Variants in NRG1 observed in about 807,000 individuals in gnomAD.
NRG1 encodes neuregulin 1.
NRG1 carries 18 observed loss-of-function variants against 63.8 expected under a neutral mutation model. The observed-to-expected ratio is 0.28, with a 90% CI of 0.19 to 0.42. NRG1 has a LOEUF of 0.42. NRG1 is among the 10% of genes least tolerant of loss of function. The pLI, the probability that NRG1 is intolerant of heterozygous loss-of-function variation, is 1.00. For synonymous variants in NRG1, 302 were observed against 301.3 expected (o/e 1.00, Z -0.02); for missense variants, 762 against 814.7 (o/e 0.94, Z 0.79).
intron 1 of NRG1, among the ~76,000 whole-genome samples, chr8:31,974,919 G>A (rs148857479): frequency 2.6e-4 from 39 of 152,256 alleles, no homozygotes; most frequent in African/African-American, 7.7e-4. Flanking sequence ...GAACACCTCA[G>A]CTCAGTCAGT....
intron 1 of NRG1, among the ~76,000 whole-genome samples, chr8:31,799,267 T>G (rs531498464): frequency 6.6e-6 from 1 of 152,234 alleles, no homozygotes. Context: ...GGTTACTACA[T>G]AAGTTGAAGA....
intron 1 of NRG1, among the ~76,000 whole-genome samples, chr8:31,747,751 CTGGCTGTTT>C (rs1816038602): frequency 6.6e-6 from 1 of 151,874 alleles, no homozygotes; most frequent in African/African-American, 2.4e-5. Flanking sequence ...CCTGGAATAC[CTGGCTGTTT>C]TGTTTAAGAT....
intron 5 of NRG1, among the ~76,000 whole-genome samples, chr8:32,639,037 GA>G (rs372183260): frequency 2.6e-5 from 4 of 151,518 alleles, no homozygotes; most frequent in African/African-American, 7.3e-5. Context: ...GCAACAAGGA[GA>G]AAAAAAATGT....
intron 1 of NRG1, among the ~76,000 whole-genome samples, chr8:32,384,318 A>T (rs1019419782): frequency 6.6e-5 from 10 of 152,250 alleles, no homozygotes; most frequent in Non-Finnish European, 1.5e-4. Flanking sequence ...ACGACAAATA[A>T]TAATACATAT....
At chr8:31,700,727 A>G (rs372166828) in intron 1 of NRG1, among the ~76,000 whole-genome samples, 1 of 152,264 alleles carries the variant, frequency 6.6e-6, no homozygotes, top group South Asian at 2.1e-4. Context: ...ATGAAGCACC[A>G]TGGTTTCCTA....
chr8:32,735,386 C>T (rs1824752323), intron 6 of NRG1, among the ~76,000 whole-genome samples: 1 of 152,016 alleles, frequency 6.6e-6, no homozygotes, highest in Non-Finnish European at 1.5e-5. Flanking sequence ...ATTTTCTACC[C>T]CATAAATGTA....
intron 1 of NRG1, among the ~76,000 whole-genome samples, chr8:31,970,927 C>A (rs1807171083): frequency 6.6e-6 from 1 of 151,974 alleles, no homozygotes; most frequent in African/African-American, 2.4e-5. Context: ...GCCTGTAGTC[C>A]CAGCTACTCG....
intron 1 of NRG1, among the ~76,000 whole-genome samples, chr8:32,346,930 T>C (rs1225932489): frequency 1.3e-5 from 2 of 151,840 alleles, no homozygotes; most frequent in Non-Finnish European, 2.9e-5. Flanking sequence ...TCCAGGTTCA[T>C]GCCATTCTCC....
At chr8:32,163,965 G>A (rs1839132374) in intron 1 of NRG1, among the ~76,000 whole-genome samples, 1 of 152,152 alleles carries the variant, frequency 6.6e-6, no homozygotes, top group Non-Finnish European at 1.5e-5. Context: ...TGCCTCTGTG[G>A]CTTCAAATCC....
intron 1 of NRG1, among the ~76,000 whole-genome samples, chr8:32,109,917 G>A (rs1831779642): frequency 6.6e-6 from 1 of 152,084 alleles, no homozygotes; most frequent in Non-Finnish European, 1.5e-5. Flanking sequence ...ATATGGACAT[G>A]GCCAAATCTC....
chr8:32,175,010 C>A (rs933228562), intron 1 of NRG1, among the ~76,000 whole-genome samples: 1 of 152,166 alleles, frequency 6.6e-6, no homozygotes, highest in Admixed American at 6.5e-5. Flanking sequence ...ATACCAAAGC[C>A]TGGCAGAGAC....
chr8:32,569,451 C>G (rs1838095927), intron 1 of NRG1, among the ~76,000 whole-genome samples: 1 of 152,108 alleles, frequency 6.6e-6, no homozygotes, highest in South Asian at 2.1e-4. Context: ...TTCAGTTTAT[C>G]TGGGATTGCC....
At chr8:32,312,983 GTC>G (rs1317509869) in intron 1 of NRG1, among the ~76,000 whole-genome samples, 1 of 152,062 alleles carries the variant, frequency 6.6e-6, no homozygotes, top group Admixed American at 6.5e-5. Context: ...GTGAAACCCT[GTC>G]TCTACTAAAA....
At position 32,743,453 on chromosome 8, in the gene NRG1, CTGTTATT is replaced by C. The variant is rs537298710; in HGVS notation, c.691+725_691+731del. Among the ~76,000 whole-genome samples the C allele has an allele frequency of 1.6e-3, 242 of 151,194 alleles. 1 individual carries two copies. Among genetic ancestry groups the C allele is most frequent in the African/African-American group, 5.7e-3 (237 of 41,298 alleles). The stretch of plus-strand genomic sequence containing the variant: ...AAAGTAACTTAGAATAAAATAGTTA[CTGTTATT>C]TGTTTAAATATTTATTTTGAGATAT... On this transcript the variant is annotated intron_variant, in intron 7 of 11. Transcript: ENST00000356819.
intron 5 of NRG1, among the ~76,000 whole-genome samples, chr8:32,723,090 C>T (rs1210911442): frequency 2.0e-5 from 3 of 152,102 alleles, no homozygotes; most frequent in Non-Finnish European, 4.4e-5. Context: ...GTAACAGTAT[C>T]ATATATTTGT....
intron 1 of NRG1, among the ~76,000 whole-genome samples, chr8:32,174,988 A>G (rs1011085051): frequency 2.0e-5 from 3 of 152,236 alleles, no homozygotes; most frequent in African/African-American, 7.2e-5. Context: ...TTATGAGGCC[A>G]GCACCATCCT....
chr8:32,426,760 AC>A (rs1388031500), intron 1 of NRG1, among the ~76,000 whole-genome samples: 1 of 152,150 alleles, frequency 6.6e-6, no homozygotes, highest in Non-Finnish European at 1.5e-5. Context: ...CAGGCTTTCA[AC>A]ATGTGGTTTG....
chr8:31,766,292 T>A (rs1818050629), intron 1 of NRG1, among the ~76,000 whole-genome samples: 1 of 152,172 alleles, frequency 6.6e-6, no homozygotes, highest in Admixed American at 6.5e-5. Flanking sequence ...TCCCCTGAGT[T>A]GTATCCTGAG....
intron 1 of NRG1, among the ~76,000 whole-genome samples, chr8:31,845,142 T>A (rs533651170): frequency 3.3e-5 from 5 of 151,630 alleles, no homozygotes; most frequent in South Asian, 2.1e-4. Flanking sequence ...AATAAATAAA[T>A]AAAACAGCAA....
Sources: gnomAD v4.1 joint callset for allele counts (sites outside exome capture counted in the v4.1 genomes callset) on GRCh38, gnomAD v4.1.1 for gene constraint, MANE v1.5 for transcripts, NCBI Gene and HGNC (gene_info 2026-07-23, HGNC 2026-07-21) for gene names.